Variants in RBFOX1 observed in about 807,000 individuals in gnomAD.
RBFOX1 encodes RNA binding protein fox-1 homolog 1.
In RBFOX1, 8 loss-of-function variants were observed where a neutral mutation model predicts 57.7. The ratio of observed to expected loss-of-function variants is 0.14; its 90% CI spans 0.08 to 0.25. The LOEUF is 0.25. RBFOX1 is among the 10% of genes least tolerant of loss of function. The pLI, the probability that RBFOX1 is intolerant of heterozygous loss-of-function variation, is 1.00. For missense variants in RBFOX1, 611 were observed against 548.5 expected (o/e 1.11, Z -1.14); for synonymous variants, 326 against 222.4 (o/e 1.47, Z -4.15).
chr16:5,307,957 C>G (rs537670635), intron 1 of RBFOX1, among the ~76,000 whole-genome samples: 1 of 152,306 alleles, frequency 6.6e-6, no homozygotes, highest in East Asian at 1.9e-4. Flanking sequence ...AAATTACAAG[C>G]TTGAACCACC....
chr16:6,079,305 CAAAAT>C (rs1477699852), intron 1 of RBFOX1, among the ~76,000 whole-genome samples: 3 of 152,154 alleles, frequency 2.0e-5, no homozygotes, highest in East Asian at 1.9e-4. Flanking sequence ...GACTCTGTCT[CAAAAT>C]AAAAAATAAA....
At chr16:6,867,179 T>C (rs1043359264) in intron 3 of RBFOX1, among the ~76,000 whole-genome samples, 4 of 152,170 alleles carry the variant, frequency 2.6e-5, no homozygotes, top group Non-Finnish European at 4.4e-5. Flanking sequence ...GTTTTCTTCT[T>C]GGTCTTGCAA....
At chr16:7,264,211 C>T (rs945044496) in intron 4 of RBFOX1, among the ~76,000 whole-genome samples, 1 of 151,948 alleles carries the variant, frequency 6.6e-6, no homozygotes, top group Non-Finnish European at 1.5e-5. Flanking sequence ...TGTGTTCCTT[C>T]AAAAAGACAA....
intron 2 of RBFOX1, among the ~76,000 whole-genome samples, chr16:6,490,481 T>G (rs1434219141): frequency 6.6e-6 from 1 of 152,220 alleles, no homozygotes; most frequent in African/African-American, 2.4e-5. Flanking sequence ...AGGCGTCCAT[T>G]TCATACCAGC....
intron 14 of RBFOX1, among the ~76,000 whole-genome samples, chr16:7,693,052 C>T (rs1002777018): frequency 9.9e-5 from 15 of 152,074 alleles, no homozygotes; most frequent in African/African-American, 3.4e-4. Flanking sequence ...CATATCCTGG[C>T]ATGTTTTGGT....
At chr16:6,618,573 C>T (rs916043367) in intron 2 of RBFOX1, among the ~76,000 whole-genome samples, 1 of 152,174 alleles carries the variant, frequency 6.6e-6, no homozygotes, top group Admixed American at 6.5e-5. Flanking sequence ...TGACATGATA[C>T]TCGTTTCGAG....
At chr16:5,697,671 C>A (rs1282767953) in intron 3 of RBFOX1, among the ~76,000 whole-genome samples, 1 of 147,668 alleles carries the variant, frequency 6.8e-6, no homozygotes, top group Non-Finnish European at 1.5e-5. Context: ...GTAGCTAGGA[C>A]TACAGGTGTG....
intron 3 of RBFOX1, among the ~76,000 whole-genome samples, chr16:6,714,021 C>A (rs1303302722): frequency 2.0e-5 from 3 of 152,176 alleles, no homozygotes; most frequent in Non-Finnish European, 4.4e-5. Flanking sequence ...TTGTAATACC[C>A]ATGTGTGGAG....
intron 1 of RBFOX1, among the ~76,000 whole-genome samples, chr16:6,311,716 A>G (rs1370072321): frequency 6.6e-6 from 1 of 152,188 alleles, no homozygotes; most frequent in East Asian, 1.9e-4. Context: ...CTCTGACTGC[A>G]GTAGTGGTTA....
intron 4 of RBFOX1, among the ~76,000 whole-genome samples, chr16:7,402,921 A>G (rs1175937951): frequency 6.6e-6 from 1 of 152,166 alleles, no homozygotes. Context: ...TAGATGTAGG[A>G]AGGCTTGGAG....
In RBFOX1 at chr16:7,346,177, A is replaced by G. The variant is rs545986338; in HGVS notation, c.28-171970A>G. Among the ~76,000 whole-genome samples, 506 of 152,194 alleles carry G rather than the reference A, an allele frequency of 3.3e-3. 3 individuals carry two copies. The highest frequency in any genetic ancestry group is 0.011 in the African/African-American group (467 of 41,556). ...TGAACTCATCCTTTTTTATGGATGC[A>G]TAGTATTCCATGGTGTATATGTGCG... On this transcript the variant is annotated intron_variant, in intron 4 of 15. Coordinates refer to ENST00000550418, the MANE Select transcript of RBFOX1 (RefSeq NM_018723.4).
intron 2 of RBFOX1, among the ~76,000 whole-genome samples, chr16:6,524,084 A>G (rs897667746): frequency 6.6e-6 from 1 of 152,148 alleles, no homozygotes; most frequent in Non-Finnish European, 1.5e-5. Flanking sequence ...GCTATCAAAC[A>G]CTAGGTCTTA....
At chr16:5,337,324 C>T (rs576370955) in intron 1 of RBFOX1, among the ~76,000 whole-genome samples, 8 of 152,270 alleles carry the variant, frequency 5.3e-5, no homozygotes, top group East Asian at 3.9e-4. Context: ...TCCCAAAGAC[C>T]GCTCTACTCT....
At chr16:6,352,131 T>C (rs1599954754) in intron 2 of RBFOX1, among the ~76,000 whole-genome samples, 1 of 152,188 alleles carries the variant, frequency 6.6e-6, no homozygotes, top group Non-Finnish European at 1.5e-5. Flanking sequence ...AGTCACTTTA[T>C]ATAATAAAAA....
chr16:6,736,434 C>G (rs915601510), intron 3 of RBFOX1, among the ~76,000 whole-genome samples: 2 of 152,184 alleles, frequency 1.3e-5, no homozygotes, highest in South Asian at 4.1e-4. Context: ...TGAGTTACAT[C>G]ACTTAGAGTA....
chr16:6,995,512 C>T lies in RBFOX1; in HGVS notation c.-15-56545C>T, dbSNP rs537415394. Among the ~76,000 whole-genome samples, 14 of 152,206 alleles carry T rather than the reference C, an allele frequency of 9.2e-5. No homozygotes were observed. The South Asian group carries it at 2.9e-3, about 32-fold the overall frequency. ...GGGTGTGGTGGCTCACGCATGTAAT[C>T]CCACTACTTTGGGAGGCCAAGGAGG... On this transcript the variant is annotated intron_variant, in intron 3 of 15. Coordinates refer to ENST00000550418, the MANE Select transcript of RBFOX1 (RefSeq NM_018723.4).
At chr16:6,157,698 C>T (rs899997267) in intron 1 of RBFOX1, among the ~76,000 whole-genome samples, 7 of 151,936 alleles carry the variant, frequency 4.6e-5, no homozygotes, top group Non-Finnish European at 8.8e-5. Context: ...ATATAAAATG[C>T]ATACATAATT....
intron 3 of RBFOX1, among the ~76,000 whole-genome samples, chr16:5,779,159 T>A (rs536452413): frequency 1.3e-5 from 2 of 152,178 alleles, no homozygotes; most frequent in Middle Eastern, 3.2e-3. Context: ...GCATACCCAC[T>A]TTTTGCGAAA....
At chr16:7,029,170 ATACGTATACG>A (rs2042048332) in intron 3 of RBFOX1, among the ~76,000 whole-genome samples, 2 of 117,456 alleles carry the variant, frequency 1.7e-5, no homozygotes, top group African/African-American at 6.4e-5. Context: ...ACACATATAT[ATACGTATACG>A]TGTATATATA....
Sources: allele counts gnomAD v4.1 joint callset (sites outside exome capture counted in the v4.1 genomes callset), GRCh38; gene constraint gnomAD v4.1.1; transcripts MANE v1.5; gene names NCBI Gene and HGNC (gene_info 2026-07-23, HGNC 2026-07-21).